YME1L1: variants seen among roughly 807,000 people sequenced by gnomAD.
The protein encoded by YME1L1 is ATP-dependent zinc metalloprotease YME1L1.
YME1L1 carries 39 observed loss-of-function variants against 90.4 expected under a neutral mutation model. The ratio of observed to expected loss-of-function variants is 0.43; its 90% CI spans 0.33 to 0.56. The LOEUF (loss-of-function observed/expected upper bound fraction) is 0.56, where lower values mean the gene tolerates loss of function less well. YME1L1 is among the 20% of genes least tolerant of loss of function. The probability of loss-of-function intolerance (pLI) is 0.03; values close to 1 mark genes in which losing one functional copy is unlikely to be tolerated. For missense variants in YME1L1, 617 were observed against 868.4 expected, an observed-to-expected ratio of 0.71 and a Z score of 3.64; for synonymous variants, 284 against 287.3, an observed-to-expected ratio of 0.99 and a Z score of 0.12.
At chr10:27,147,002 G>C (rs2057151312) in intron 2 of YME1L1, 1 of 196,318 alleles carries the variant, frequency 5.1e-6, no homozygotes, top group African/African-American at 2.4e-5. Context: ...TACTTTTTAA[G>C]CTATTAAAAA....
At chr10:27,152,573 G>C (rs1028731091) in intron 1 of YME1L1, among the ~76,000 whole-genome samples, 1 of 152,192 alleles carries the variant, frequency 6.6e-6, no homozygotes, top group Non-Finnish European at 1.5e-5. Context: ...CTAAGGCAAA[G>C]AGTTGAGTTT....
At position 27,145,584 on chromosome 10, in the gene YME1L1, G is replaced by C; in HGVS notation, c.175C>G (p.Leu59Val). ...GATAATCCAAGGTCCCTTAAGTTAA[G>C]TGAAGGCTGTAAAAGATTGGGTCAA... Reference protein sequence around the residue: ...EHEAPSSEPSLNLRDLGLSEL... With the variant: ...EHEAPSSEPSVNLRDLGLSEL... The change falls in exon 3 of 19, where the codon CTT (leucine) becomes GTT (valine). Residue 59 changes from leucine (L) to valine (V), a missense_variant. By Grantham distance (32) the Leu-to-Val change is conservative (BLOSUM62 1). Coordinates refer to ENST00000376016, the MANE Select transcript of YME1L1 (RefSeq NM_014263.4). 1 of 1,612,004 alleles carries C rather than the reference G, an allele frequency of 6.2e-7. No homozygotes were observed. The highest frequency in any genetic ancestry group is 8.5e-7 in the Non-Finnish European group (1 of 1,178,752).
At chr10:27,127,652 C>G (rs1260065671) in intron 8 of YME1L1, among the ~76,000 whole-genome samples, 1 of 152,104 alleles carries the variant, frequency 6.6e-6, no homozygotes, top group Admixed American at 6.6e-5. Context: ...TTACATTTAT[C>G]TAAAATTCAA....
Position 27,110,288 on chromosome 10 carries a change from G to A in YME1L1, c.*1689C>T, listed in dbSNP as rs938405465. 1 of 152,140 alleles carries A rather than the reference G, an allele frequency of 6.6e-6. No homozygotes were observed. The highest frequency in any genetic ancestry group is 1.5e-5 in the Non-Finnish European group (1 of 68,040). The allele number at this position is 152,140 out of a possible 1,614,324, so 9.4% of individuals were successfully genotyped here. On this transcript the variant is annotated 3_prime_UTR_variant, in exon 19 of 19. Transcript: ENST00000376016. ...CAGAATGATAACAACTGGTAAATCT[G>A]GATGCAGGGTATATGAGACATCCAT... is the stretch of plus-strand genomic sequence containing the variant.
At chr10:27,130,716 G>A (rs1322581023) in intron 8 of YME1L1, among the ~76,000 whole-genome samples, 4 of 152,168 alleles carry the variant, frequency 2.6e-5, no homozygotes, top group Admixed American at 2.6e-4. Context: ...AGCTGGGCGT[G>A]GTGGCTCGTG....
intron 8 of YME1L1, chr10:27,129,098 A>G (rs1021509314): frequency 6.7e-6 from 1 of 150,166 alleles, no homozygotes; most frequent in African/African-American, 2.5e-5. Flanking sequence ...AAAAAAAAAA[A>G]AAAAAAAAAA....
rs776213589 is a variant in YME1L1, at chr10:27,112,136, A to C, written c.2008-16T>G. Reference sequence around the variant, plus strand: ...CATATGAGTCCTGAAACAGAAAAGGAGATACGTAAGCAGCAGCAAATGCAG... The same window carrying C: ...CATATGAGTCCTGAAACAGAAAAGGCGATACGTAAGCAGCAGCAAATGCAG... On this transcript the variant is annotated splice_polypyrimidine_tract_variant and intron_variant, in intron 18 of 18. Transcript: ENST00000376016. 3.7e-6 allele frequency: 6 copies of C among 1,601,012 alleles called. No individual in the cohort carries two copies. In the East Asian group the frequency reaches 1.3e-4, roughly 36 times the overall value.
At position 27,112,270 on chromosome 10, in the gene YME1L1, G is replaced by A. The variant is rs993666815; in HGVS notation, c.2008-150C>T. ...CATGTAGAATCTTGATTCTACAGTA[G>A]AGATAATTTGTGCATTATAACATAG... is the stretch of plus-strand genomic sequence containing the variant. On this transcript the variant is annotated intron_variant, in intron 18 of 18. Coordinates refer to ENST00000376016, the MANE Select transcript of YME1L1 (RefSeq NM_014263.4). 4 of 771,916 alleles carry A rather than the reference G, an allele frequency of 5.2e-6. No individual in the cohort carries two copies. The Admixed American group carries it at 9.2e-5, about 18-fold the overall frequency. The allele number at this position is 771,916 out of a possible 1,614,324, so 47.8% of individuals were successfully genotyped here. A position where few individuals can be genotyped will look rare whatever the true frequency, so the allele number is the denominator to read the frequency against.
At chr10:27,140,554 C>T (rs1319651628) in intron 4 of YME1L1, among the ~76,000 whole-genome samples, 1 of 152,188 alleles carries the variant, frequency 6.6e-6, no homozygotes, top group Non-Finnish European at 1.5e-5. Flanking sequence ...TCTCGGCTCA[C>T]TGCAACCTCC....
chr10:27,120,660 T>A, intron 12 of YME1L1, 113 bp from the exon 13 acceptor site: 1 of 701,472 alleles, frequency 1.4e-6, no homozygotes, highest in Non-Finnish European at 2.4e-6. Context: ...AGAGCGCAGA[T>A]GGAGTTTTGT....
At chr10:27,148,637 T>C (rs1325742652) in intron 2 of YME1L1, among the ~76,000 whole-genome samples, 3 of 152,220 alleles carry the variant, frequency 2.0e-5, no homozygotes, top group Middle Eastern at 3.2e-3. Flanking sequence ...CTTATGATTT[T>C]CTTAATAACA....
intron 8 of YME1L1, among the ~76,000 whole-genome samples, chr10:27,128,721 G>A (rs1477731517): frequency 4.0e-5 from 6 of 151,242 alleles, no homozygotes; most frequent in Non-Finnish European, 7.4e-5. Context: ...CCTGGGCAAC[G>A]CAGCTAAATC....
chr10:27,147,133 A>G (rs2057152444), intron 2 of YME1L1: 1 of 478,282 alleles, frequency 2.1e-6, no homozygotes, highest in Admixed American at 3.6e-5. Flanking sequence ...GTGAAGAGCC[A>G]TGTTTGAATT....
intron 4 of YME1L1, among the ~76,000 whole-genome samples, chr10:27,140,093 A>T (rs1428554909): frequency 6.6e-6 from 1 of 152,036 alleles, no homozygotes; most frequent in African/African-American, 2.4e-5. Context: ...TCCATCTCCC[A>T]GGTTCAAGCG....
At chr10:27,113,498 C>T (rs1266889182) in intron 18 of YME1L1, among the ~76,000 whole-genome samples, 1 of 151,150 alleles carries the variant, frequency 6.6e-6, no homozygotes, top group Non-Finnish European at 1.5e-5. Flanking sequence ...TAGTGAAACC[C>T]TGTCTCTACT....
intron 17 of YME1L1, 32 bp downstream of exon 17, chr10:27,116,028 G>C: frequency 6.4e-7 from 1 of 1,567,502 alleles, no homozygotes; most frequent in Non-Finnish European, 8.7e-7. Context: ...CACATAATTT[G>C]ATACATGAAA....
rs370170432 is a variant in YME1L1 at position 27,133,123 on chromosome 10, A to G, written c.775+916T>C. 1.2e-4 allele frequency among the ~76,000 whole-genome samples: 19 copies of G among 152,330 alleles called. No homozygotes were observed. In the East Asian group the frequency reaches 3.5e-3, roughly 28 times the overall value. On this transcript the variant is annotated intron_variant, in intron 7 of 18. Transcript: ENST00000376016. ...AAGTTAGCAGAAAACATTGACACAC[A>G]TTAATAAAAAATTGAGGCTTAACAC...
Position 27,145,489 on chromosome 10 carries a change from G to C in YME1L1, c.270C>G (p.Asn90Lys). ...GGGATGTATGCCAATGGGAAGAAAT[G>C]TTTTTGCCTTTACAAAATCCAGGAA... is the stretch of plus-strand genomic sequence containing the variant. ...NLLPGFCKGK[N>K]ISSHWHTSHV... is the part of the protein sequence containing the mutation. The change falls in exon 3 of 19, where the codon AAC becomes AAG. Residue 90 changes from asparagine to lysine, a missense_variant. By Grantham distance (94) the Asn-to-Lys change is moderately conservative. Transcript: ENST00000376016. 1 of 1,613,526 alleles carries C rather than the reference G, an allele frequency of 6.2e-7. No individual in the cohort carries two copies. The highest frequency in any genetic ancestry group is 8.5e-7 in the Non-Finnish European group (1 of 1,179,646).
At chr10:27,136,682 C>T (rs2057030961) in intron 4 of YME1L1, among the ~76,000 whole-genome samples, 1 of 151,304 alleles carries the variant, frequency 6.6e-6, no homozygotes, top group Admixed American at 6.6e-5. Context: ...TTTCTATCCT[C>T]CTTTTTTCAA....
Sources: allele counts gnomAD v4.1 joint callset (sites outside exome capture counted in the v4.1 genomes callset), GRCh38; gene constraint gnomAD v4.1.1; transcripts MANE v1.5; gene names NCBI Gene and HGNC (gene_info 2026-07-23, HGNC 2026-07-21).